Variants in FAM222B observed in about 807,000 individuals in gnomAD.
The protein encoded by FAM222B is family with sequence similarity 222 member B, also known as protein FAM222B.
In FAM222B, 12 loss-of-function variants were observed where a neutral mutation model predicts 38.0. The observed-to-expected ratio is 0.32, with a 90% CI of 0.20 to 0.51. The LOEUF (loss-of-function observed/expected upper bound fraction) is 0.51. Ranked by LOEUF, FAM222B falls within the 20% of genes least tolerant of loss-of-function variation. FAM222B has a pLI of 0.97. For missense variants in FAM222B, 716 were observed against 754.2 expected (o/e 0.95, Z 0.59); for synonymous variants, 329 against 317.2 (o/e 1.04, Z -0.40).
At chr17:28,789,132 G>C (rs1031555676) in intron 1 of FAM222B, among the ~76,000 whole-genome samples, 2 of 146,862 alleles carry the variant, frequency 1.4e-5, no homozygotes, top group Non-Finnish European at 3.0e-5. Context: ...GTAATCTTAT[G>C]GATAGTGGTA....
In FAM222B at chr17:28,757,660, T is replaced by C. The variant is rs1055374844; in HGVS notation, c.*610A>G. The stretch of plus-strand genomic sequence containing the variant: ...TGGTCAAATACTTCCAAGATGCCCT[T>C]GAGATCAAGTGTGGCAAGGGCAAGT... On this transcript the variant is annotated 3_prime_UTR_variant, in exon 3 of 3. Coordinates refer to ENST00000581407, the MANE Select transcript of FAM222B (RefSeq NM_001077498.3). The C allele has an allele frequency of 6.6e-6, 1 of 152,028 alleles. No homozygotes were observed. Among genetic ancestry groups the C allele is most frequent in the Non-Finnish European group, 1.5e-5 (1 of 68,008 alleles). The allele number at this position is 152,028 out of a possible 1,614,324, so 9.4% of individuals were successfully genotyped here.
chr17:28,845,887 T>G (rs978318797), upstream of FAM222B, among the ~76,000 whole-genome samples: 13 of 149,756 alleles, frequency 8.7e-5, no homozygotes, highest in Non-Finnish European at 1.8e-4. Flanking sequence ...AGAGCAAGGC[T>G]CCATCTCAAA....
At chr17:28,816,778 A>G (rs1210575933) in intron 1 of FAM222B, among the ~76,000 whole-genome samples, 2 of 152,180 alleles carry the variant, frequency 1.3e-5, no homozygotes, top group African/African-American at 2.4e-5. Context: ...TAAAACCTTT[A>G]TTGTTCATTA....
rs910077673 is a variant in FAM222B at position 28,834,799 on chromosome 17, A to T, written c.-41+7883T>A. 4.0e-5 allele frequency: 6 copies of T among 150,788 alleles called. No individual in the cohort carries two copies. The East Asian group carries it at 1.2e-3, about 29-fold the overall frequency. The allele number at this position is 150,788 out of a possible 1,614,324, so 9.3% of individuals were successfully genotyped here. On this transcript the variant is annotated intron_variant, in intron 1 of 2. Coordinates refer to ENST00000581407, the MANE Select transcript of FAM222B (RefSeq NM_001077498.3). ...ATTTCTTTGTTGCTTCTTCATTCCC[A>T]CTGCTTCACTTGGCTAGCCTTAAAA...
intron 1 of FAM222B, among the ~76,000 whole-genome samples, chr17:28,829,430 C>T (rs1020894246): frequency 6.6e-6 from 1 of 152,152 alleles, no homozygotes; most frequent in Non-Finnish European, 1.5e-5. Context: ...ACTCGGCCTC[C>T]CAAAGTGCTG....
chr17:28,760,165 A>G (rs2035003083), intron 2 of FAM222B, among the ~76,000 whole-genome samples: 1 of 152,224 alleles, frequency 6.6e-6, no homozygotes, highest in Non-Finnish European at 1.5e-5. Context: ...TTTACATTTT[A>G]TAAATGAGGT....
intron 1 of FAM222B, among the ~76,000 whole-genome samples, chr17:28,773,314 T>TA (rs539926621): frequency 1.5e-4 from 22 of 146,854 alleles, no homozygotes; most frequent in South Asian, 2.2e-4. Context: ...CCATCTCTAC[T>TA]AAAAAAAAAT....
intron 1 of FAM222B, among the ~76,000 whole-genome samples, chr17:28,829,423 C>CG (rs1167858839): frequency 6.6e-6 from 1 of 152,110 alleles, no homozygotes; most frequent in Non-Finnish European, 1.5e-5. Flanking sequence ...CGCCCCAACT[C>CG]GGCCTCCCAA....
chr17:28,780,650 T>C (rs528263102), intron 1 of FAM222B, among the ~76,000 whole-genome samples: 1 of 152,082 alleles, frequency 6.6e-6, no homozygotes, highest in South Asian at 2.1e-4. Context: ...GGGAGACTGA[T>C]GTGGGCAGAT....
rs188674736 is a variant in FAM222B, at chr17:28,818,530, G to A, written c.-41+24152C>T. 1.4e-4 allele frequency among the ~76,000 whole-genome samples: 20 copies of A among 146,358 alleles called. 1 individual carries two copies. The highest frequency in any genetic ancestry group is 3.5e-3 in the Middle Eastern group (1 of 282). ...CTCCAGGGCGACAGAGCGAGAGTCC[G>A]TCTCAAAAAAAAAAAAGAATAAAAA... On this transcript the variant is annotated intron_variant, in intron 1 of 2. Coordinates refer to ENST00000581407, the MANE Select transcript of FAM222B (RefSeq NM_001077498.3).
At chr17:28,834,450 C>T (rs981827607) in intron 1 of FAM222B, 3 of 151,852 alleles carry the variant, frequency 2.0e-5, no homozygotes, top group Non-Finnish European at 2.9e-5. Context: ...AACTAGTCCA[C>T]ATGTCCATAC....
intron 1 of FAM222B, among the ~76,000 whole-genome samples, chr17:28,814,629 G>C (rs1439787242): frequency 6.6e-6 from 1 of 152,040 alleles, no homozygotes; most frequent in East Asian, 1.9e-4. Flanking sequence ...ACCACGCCTG[G>C]CTAACTTTTG....
chr17:28,822,838 T>A (rs372532677), intron 1 of FAM222B, among the ~76,000 whole-genome samples: 396 of 55,028 alleles, frequency 7.2e-3, no homozygotes, highest in African/African-American at 8.6e-3. Context: ...AAAAAATATA[T>A]ATATATATAT....
chr17:28,805,031 G>GCGA (rs1471278191), intron 1 of FAM222B, among the ~76,000 whole-genome samples: 31 of 151,400 alleles, frequency 2.0e-4, no homozygotes, highest in Non-Finnish European at 3.7e-4. Flanking sequence ...GGGCGACAGA[G>GCGA]CGAGACTCCA....
intron 1 of FAM222B, among the ~76,000 whole-genome samples, chr17:28,816,830 A>AT (rs898813856): frequency 1.3e-4 from 19 of 151,992 alleles, no homozygotes; most frequent in East Asian, 3.8e-4. Context: ...CACTGTGGTA[A>AT]TTTTTTTTAA....
intron 1 of FAM222B, among the ~76,000 whole-genome samples, chr17:28,823,318 C>T (rs1385061608): frequency 2.0e-5 from 3 of 151,866 alleles, no homozygotes; most frequent in Admixed American, 6.6e-5. Flanking sequence ...TTCTCTGTTA[C>T]GTGACCTCTA....
upstream of FAM222B, among the ~76,000 whole-genome samples, chr17:28,845,228 C>A (rs1207790957): frequency 6.6e-6 from 1 of 151,320 alleles, no homozygotes; most frequent in East Asian, 2.0e-4. Context: ...GGTGAAACCT[C>A]ATCTCTACTA....
intron 1 of FAM222B, among the ~76,000 whole-genome samples, chr17:28,794,599 T>C (rs951356027): frequency 1.3e-5 from 2 of 152,078 alleles, no homozygotes; most frequent in African/African-American, 4.8e-5. Flanking sequence ...CCAAATAAAA[T>C]TAAAATTTTA....
chr17:28,826,586 C>T (rs529998784), intron 1 of FAM222B, among the ~76,000 whole-genome samples: 162 of 148,358 alleles, frequency 1.1e-3, no homozygotes, highest in African/African-American at 3.9e-3. Context: ...GAGGCTGAGA[C>T]AGGAGAATCG....
Sources: allele counts gnomAD v4.1 joint callset (sites outside exome capture counted in the v4.1 genomes callset), GRCh38; gene constraint gnomAD v4.1.1; transcripts MANE v1.5; gene names NCBI Gene and HGNC (gene_info 2026-07-23, HGNC 2026-07-21).